The following POLR3C variants were observed in gnomAD, a reference collection of about 807,000 sequenced individuals.
POLR3C encodes the protein RNA polymerase III subunit C.
Under a neutral mutation model 65.9 loss-of-function variants are expected in POLR3C, and 44 were observed. That is an observed-to-expected ratio of 0.67 (90% CI 0.52 to 0.86). The LOEUF is 0.86. Among genes scored for constraint, POLR3C ranks in the 40% least tolerant of loss-of-function variants. POLR3C has a pLI of 0.00. For missense variants in POLR3C, 576 were observed against 653.2 expected, an observed-to-expected ratio of 0.88 and a Z score of 1.29; for synonymous variants, 263 against 231.6, an observed-to-expected ratio of 1.14 and a Z score of -1.23.
intron 5 of POLR3C, among the ~76,000 whole-genome samples, chr1:145,832,996 T>C (rs1284180571): frequency 6.6e-6 from 1 of 152,122 alleles, no homozygotes; most frequent in African/African-American, 2.4e-5. Flanking sequence ...CACTCCAGCC[T>C]GGGTGACGAG....
intron 7 of POLR3C, 104 bp from the exon 8 acceptor site, chr1:145,836,390 G>A (rs1570743850): frequency 2.7e-6 from 2 of 744,254 alleles, no homozygotes; most frequent in South Asian, 2.9e-5. Flanking sequence ...AAAGTGTTCG[G>A]ATTACAGGCC....
At position 145,833,249 on chromosome 1, in the gene POLR3C, C is replaced by G. The variant is rs782675065; in HGVS notation, c.679-11C>G. On this transcript the variant is annotated splice_polypyrimidine_tract_variant and intron_variant, in intron 5 of 14. Coordinates refer to ENST00000334163, the MANE Select transcript of POLR3C (RefSeq NM_006468.8). ...ACTATAGCTAAATGTTTCTCTAAATCTTTTCCTCAGCCCATTCCAGATGAT... is the reference window on the plus strand; with the variant it reads ...ACTATAGCTAAATGTTTCTCTAAATGTTTTCCTCAGCCCATTCCAGATGAT... The G allele has an allele frequency of 1.3e-6, 2 of 1,540,462 alleles. No individual in the cohort carries two copies. Among genetic ancestry groups the G allele is most frequent in the South Asian group, 2.3e-5 (2 of 87,304 alleles).
chr1:145,838,060 G>A lies in POLR3C; in HGVS notation c.1075G>A (p.Gly359Arg). ...TLESVVQERF[G>R]SRCARIFRLV... ...GCTTTCTTCATTCCTTTCCAGATTT[G>A]GGTCTCGCTGTGCTAGAATATTCCG... Residue 359 changes from glycine (G) to arginine (R), a missense_variant, in exon 11 of 15, where the codon GGG becomes AGG. Transcript: ENST00000334163. 1 of 1,613,754 alleles carries A rather than the reference G, an allele frequency of 6.2e-7. No individual in the cohort carries two copies. Among genetic ancestry groups the A allele is most frequent in the East Asian group, 2.2e-5 (1 of 44,886 alleles).
intron 14 of POLR3C, 109 bp from the exon 15 acceptor site, chr1:145,842,230 C>G: frequency 1.5e-6 from 1 of 668,216 alleles, no homozygotes; most frequent in Admixed American, 2.5e-5. Flanking sequence ...TTTCCATCCA[C>G]TCTCAAGGGT....
intron 5 of POLR3C, among the ~76,000 whole-genome samples, chr1:145,829,872 C>T (rs938105792): frequency 3.3e-5 from 5 of 152,242 alleles, no homozygotes; most frequent in African/African-American, 9.6e-5. Context: ...CCATTGCCCA[C>T]TCCTACACTA....
chr1:145,826,981 C>G lies in POLR3C; in HGVS notation c.565C>G (p.Leu189Val). Reference sequence around the variant, plus strand: ...TGTCATTAATGAAAAGGACATGTACCTGGTTCCTAAACTCAGCTTGATAGG... The same window carrying G: ...TGTCATTAATGAAAAGGACATGTACGTGGTTCCTAAACTCAGCTTGATAGG... ...TLVINEKDMY[L>V]VPKLSLIGKG... is the part of the protein sequence containing the mutation. The change falls in exon 4 of 15, where the codon CTG (leucine) becomes GTG (valine). Residue 189 changes from leucine to valine, a missense_variant. Leu to Val is a conservative substitution (Grantham distance 32). Coordinates refer to ENST00000334163, the MANE Select transcript of POLR3C (RefSeq NM_006468.8). 1.2e-6 allele frequency: 2 copies of G among 1,611,120 alleles called. No homozygotes were observed. Among genetic ancestry groups the G allele is most frequent in the Non-Finnish European group, 1.7e-6 (2 of 1,179,300 alleles).
At position 145,828,544 on chromosome 1, in the gene POLR3C, G is replaced by T. The variant is rs587617238; in HGVS notation, c.590-205G>T. Among the ~76,000 whole-genome samples, 20 of 152,140 alleles carry T rather than the reference G, an allele frequency of 1.3e-4. 1 individual carries two copies. The South Asian group carries it at 3.9e-3, about 30-fold the overall frequency. On this transcript the variant is annotated intron_variant, in intron 4 of 14. Transcript: ENST00000334163. The stretch of plus-strand genomic sequence containing the variant: ...ATGAAAGAGAGCATTGGAGGAGAAA[G>T]ACTATAAGACTCTTTTTGAACATGT...
At position 145,824,352 on chromosome 1, in the gene POLR3C, G is replaced by T; in HGVS notation, c.-38G>T. ...AGCCGAATTGGAGTTGGAGCCCCCG[G>T]ATTGCGCTGACCCTGAGGTTAGTGG... is the stretch of plus-strand genomic sequence containing the variant. On this transcript the variant is annotated 5_prime_UTR_variant, in exon 1 of 15. Transcript: ENST00000334163. The T allele has an allele frequency of 3.0e-6, 1 of 328,860 alleles. No homozygotes were observed. The allele number at this position is 328,860 out of a possible 1,614,324, so 20.4% of individuals were successfully genotyped here.
intron 13 of POLR3C, 111 bp downstream of exon 13, chr1:145,840,276 A>T (rs891826822): frequency 1.1e-5 from 8 of 729,420 alleles, no homozygotes; most frequent in Non-Finnish European, 2.0e-5. Context: ...AGGGTGGCTC[A>T]TGCCTGTAAT....
At chr1:145,837,251 A>T (rs1651925513) in intron 9 of POLR3C, among the ~76,000 whole-genome samples, 1 of 152,178 alleles carries the variant, frequency 6.6e-6, no homozygotes, top group Admixed American at 6.5e-5. Context: ...ACGTTGCAGT[A>T]AGCTGAGATC....
intron 5 of POLR3C, 140 bp downstream of exon 5, chr1:145,828,977 A>G: frequency 1.7e-6 from 1 of 593,814 alleles, no homozygotes; most frequent in Non-Finnish European, 3.0e-6. Context: ...TTAGGAATAG[A>G]CTAACAAAGA....
At position 145,838,076 on chromosome 1, in the gene POLR3C, G is replaced by C. The variant is rs782057644; in HGVS notation, c.1091G>C (p.Arg364Thr). Residue 364 changes from arginine (R) to threonine (T), a missense_variant, in exon 11 of 15, where the codon AGA becomes ACA. Physicochemically the swap from Arg to Thr is moderately conservative, Grantham distance 71 (BLOSUM62 -1). Transcript: ENST00000334163. ...TCCAGATTTGGGTCTCGCTGTGCTA[G>C]AATATTCCGTCTAGTTTTGCAGAAG... ...VQERFGSRCA[R>T]IFRLVLQKKH... 1 of 1,614,170 alleles carries C rather than the reference G, an allele frequency of 6.2e-7. No individual in the cohort carries two copies. The highest frequency in any genetic ancestry group is 8.5e-7 in the Non-Finnish European group (1 of 1,179,990).
In POLR3C at chr1:145,836,880, T is replaced by G. The variant is rs16827080; in HGVS notation, c.1009+14T>G. Reference sequence around the variant, plus strand: ...TGTATGTCATCAGTATCCTTACCAGTTATTTCCTTAGAGTCAGGCAGCCTG... The same window carrying G: ...TGTATGTCATCAGTATCCTTACCAGGTATTTCCTTAGAGTCAGGCAGCCTG... On this transcript the variant is annotated intron_variant, in intron 9 of 14. Transcript: ENST00000334163. The G allele has an allele frequency of 4.6e-3, 6,924 of 1,493,960 alleles. 308 individuals are homozygous for G. In the African/African-American group the frequency reaches 0.084, roughly 18 times the overall value. The allele number at this position is 1,493,960 out of a possible 1,614,324, so 92.5% of individuals were successfully genotyped here. A position where few individuals can be genotyped will look rare whatever the true frequency, so the allele number is the denominator to read the frequency against.
chr1:145,827,343 G>A (rs1650851677), intron 4 of POLR3C, among the ~76,000 whole-genome samples: 1 of 152,192 alleles, frequency 6.6e-6, no homozygotes, highest in Non-Finnish European at 1.5e-5. Flanking sequence ...GGAAAAGTAT[G>A]AGGTGTTATG....
intron 2 of POLR3C, 78 bp downstream of exon 2, chr1:145,826,001 A>G: frequency 8.3e-7 from 1 of 1,209,966 alleles, no homozygotes; most frequent in Non-Finnish European, 1.2e-6. Context: ...TGTTCTTCTC[A>G]CCCCAGAAAA....
intron 5 of POLR3C, among the ~76,000 whole-genome samples, chr1:145,831,868 C>T (rs368799746): frequency 1.3e-4 from 20 of 152,160 alleles, no homozygotes; most frequent in African/African-American, 4.6e-4. Flanking sequence ...ATGGTGAGAC[C>T]GTCTCTACAG....
chr1:145,835,013 C>T (rs1651682018), intron 7 of POLR3C, among the ~76,000 whole-genome samples: 1 of 150,434 alleles, frequency 6.6e-6, no homozygotes, highest in African/African-American at 2.4e-5. Flanking sequence ...GGGTGTGGTG[C>T]CATATGCCTG....
Position 145,842,559 on chromosome 1 carries a change from T to C in POLR3C, c.*139T>C. ...CCTCTCTATCCCCTGCAGCCCAGGA[T>C]ACACCTGAAAGAATTTGGCATATTT... On this transcript the variant is annotated 3_prime_UTR_variant, in exon 15 of 15. Transcript: ENST00000334163. 2 of 693,908 alleles carry C rather than the reference T, an allele frequency of 2.9e-6. No homozygotes were observed. Among genetic ancestry groups the C allele is most frequent in the South Asian group, 1.6e-5 (1 of 64,044 alleles). The allele number at this position is 693,908 out of a possible 1,614,324, so 43.0% of individuals were successfully genotyped here. A position where few individuals can be genotyped will look rare whatever the true frequency, so the allele number is the denominator to read the frequency against.
chr1:145,827,276 A>G (rs1650844622), intron 4 of POLR3C, among the ~76,000 whole-genome samples: 1 of 152,238 alleles, frequency 6.6e-6, no homozygotes, highest in Admixed American at 6.5e-5. Context: ...ATTATGAGAC[A>G]TGCATTAATC....
Sources: allele counts gnomAD v4.1 joint callset (sites outside exome capture counted in the v4.1 genomes callset), GRCh38; gene constraint gnomAD v4.1.1; transcripts MANE v1.5; gene names NCBI Gene and HGNC (gene_info 2026-07-23, HGNC 2026-07-21).